Variants in VPS13B observed in about 807,000 individuals in gnomAD.
VPS13B encodes the protein intermembrane lipid transfer protein VPS13B.
Under a neutral mutation model 426.4 loss-of-function variants are expected in VPS13B, and 285 were observed. The ratio of observed to expected loss-of-function variants is 0.67; its 90% CI spans 0.61 to 0.74. VPS13B has a LOEUF of 0.74. Ranked by LOEUF, VPS13B falls within the 30% of genes least tolerant of loss-of-function variation. The pLI is 0.00. For missense variants in VPS13B, 4,537 were observed against 4,782.6 expected (o/e 0.95, Z 1.51); for synonymous variants, 1,676 against 1,676.4 (o/e 1.00, Z 0.01).
intron 21 of VPS13B, among the ~76,000 whole-genome samples, chr8:99,419,478 CT>C (rs779527371): frequency 3.3e-5 from 5 of 152,160 alleles, no homozygotes; most frequent in Non-Finnish European, 7.3e-5. Context: ...TTAAAAAATG[CT>C]GCCTCTCCAT....
At chr8:99,571,639 C>G (rs1316118945) in intron 31 of VPS13B, among the ~76,000 whole-genome samples, 1 of 151,976 alleles carries the variant, frequency 6.6e-6, no homozygotes, top group Non-Finnish European at 1.5e-5. Context: ...CCAACTTTTC[C>G]ATTTTAAGGT....
Position 99,444,839 on chromosome 8 carries a change from T to G in VPS13B, c.3445+2204T>G, listed in dbSNP as rs569820823. Among the ~76,000 whole-genome samples, 10 of 152,204 alleles carry G rather than the reference T, an allele frequency of 6.6e-5. No homozygotes were observed. In the South Asian group the frequency reaches 2.1e-3, roughly 32 times the overall value. Reference sequence around the variant, plus strand: ...CTACCATGCCTGTCTAATTTTTTAATTTTTGTAGAGGTGGGGTTTCACCAT... The same window carrying G: ...CTACCATGCCTGTCTAATTTTTTAAGTTTTGTAGAGGTGGGGTTTCACCAT... On this transcript the variant is annotated intron_variant, in intron 23 of 61. Coordinates refer to ENST00000357162, the MANE Select transcript of VPS13B (RefSeq NM_152564.5).
chr8:99,552,562 G>A (rs1824335812), intron 30 of VPS13B, among the ~76,000 whole-genome samples: 2 of 150,270 alleles, frequency 1.3e-5, no homozygotes, highest in South Asian at 2.1e-4. Flanking sequence ...TTGTGGGTTG[G>A]TTGGTTTTTA....
chr8:99,290,354 G>A (rs1298551831), intron 19 of VPS13B, among the ~76,000 whole-genome samples: 4 of 151,890 alleles, frequency 2.6e-5, no homozygotes, highest in South Asian at 2.1e-4. Flanking sequence ...TGTCCTTTGT[G>A]GGGACATGGA....
chr8:99,451,415 G>A (rs1818192685), intron 23 of VPS13B, among the ~76,000 whole-genome samples: 1 of 152,178 alleles, frequency 6.6e-6, no homozygotes, highest in Admixed American at 6.5e-5. Context: ...AGACAGATAT[G>A]GTGCTTGCTT....
At chr8:99,183,431 T>C (rs1588121317) in intron 16 of VPS13B, among the ~76,000 whole-genome samples, 2 of 152,210 alleles carry the variant, frequency 1.3e-5, no homozygotes, top group African/African-American at 4.8e-5. Context: ...ATTGGGGAGA[T>C]ATGCAGCCTA....
intron 2 of VPS13B, among the ~76,000 whole-genome samples, chr8:99,032,399 G>A (rs1015009501): frequency 1.3e-5 from 2 of 151,608 alleles, no homozygotes; most frequent in African/African-American, 4.8e-5. Flanking sequence ...ATTATTTTCT[G>A]TGTGCCTCAT....
At chr8:99,386,884 G>A (rs1814154968) in intron 20 of VPS13B, among the ~76,000 whole-genome samples, 1 of 152,142 alleles carries the variant, frequency 6.6e-6, no homozygotes. Context: ...CAGGAGGATT[G>A]TTTGTGCCTG....
chr8:99,565,186 A>G (rs1242491206), intron 31 of VPS13B, among the ~76,000 whole-genome samples: 1 of 152,202 alleles, frequency 6.6e-6, no homozygotes, highest in African/African-American at 2.4e-5. Context: ...TTGCAAAAGT[A>G]CACTTAAAAG....
chr8:99,545,822 A>G (rs1588482507), intron 30 of VPS13B, among the ~76,000 whole-genome samples: 2 of 152,074 alleles, frequency 1.3e-5, no homozygotes, highest in East Asian at 3.9e-4. Flanking sequence ...GTATGATTAG[A>G]TATGCTTTCT....
rs116046928 is a variant in VPS13B, at chr8:99,206,701, T to C, written c.2515+13644T>C. Among the ~76,000 whole-genome samples, 506 of 152,286 alleles carry C rather than the reference T, an allele frequency of 3.3e-3. 2 individuals carry two copies. The highest frequency in any genetic ancestry group is 0.011 in the African/African-American group (451 of 41,574). On this transcript the variant is annotated intron_variant, in intron 17 of 61. Coordinates refer to ENST00000357162, the MANE Select transcript of VPS13B (RefSeq NM_152564.5). ...TGGTCTAAAACCACATCACTGTAACTGAATAAAGTTATGGAGGTATTCTTC... is the reference window on the plus strand; with the variant it reads ...TGGTCTAAAACCACATCACTGTAACCGAATAAAGTTATGGAGGTATTCTTC...
chr8:99,562,606 C>T (rs1255093510), intron 31 of VPS13B, among the ~76,000 whole-genome samples: 1 of 152,028 alleles, frequency 6.6e-6, no homozygotes, highest in Non-Finnish European at 1.5e-5. Context: ...AATTGAGTTG[C>T]TTGACTTCTT....
intron 19 of VPS13B, among the ~76,000 whole-genome samples, chr8:99,381,305 T>C (rs573585150): frequency 3.3e-5 from 5 of 152,242 alleles, no homozygotes; most frequent in Admixed American, 2.6e-4. Context: ...CAGTCTGCCA[T>C]TGATGGGCAT....
Position 99,224,123 on chromosome 8 carries a change from T to G in VPS13B, c.2515+31066T>G, listed in dbSNP as rs1424191276. On this transcript the variant is annotated intron_variant, in intron 17 of 61. Transcript: ENST00000357162. ...GTCTGTGAGGTTGTGCGGGCTTGAA[T>G]GTGATTTTTATTTGATATATGAGCT... Among the ~76,000 whole-genome samples the G allele has an allele frequency of 2.0e-5, 3 of 152,188 alleles. No individual in the cohort carries two copies. In the East Asian group the frequency reaches 5.8e-4, roughly 29 times the overall value.
At chr8:99,347,373 AT>A in intron 19 of VPS13B, 1 of 168,706 alleles carries the variant, frequency 5.9e-6, no homozygotes, top group Non-Finnish European at 1.3e-5. Flanking sequence ...TTTACCTGTC[AT>A]TTATAATGGC....
Position 99,875,610 on chromosome 8 carries a change from T to G in VPS13B, c.11938T>G (p.Phe3980Val). The G allele has an allele frequency of 1.2e-6, 2 of 1,614,208 alleles. No individual in the cohort carries two copies. The highest frequency in any genetic ancestry group is 3.3e-4 in the Middle Eastern group (2 of 6,062). ...YLVDPHFAQV[F>V]LSKFTMVKNK... ...GGTTGATCCACATTTTGCTCAGGTC[T>G]TCCTTAGTAAATTTACCATGGTGAA... is the stretch of plus-strand genomic sequence containing the variant. The change falls in exon 62 of 62, where the codon TTC (phenylalanine) becomes GTC (valine). Residue 3980 changes from phenylalanine to valine, a missense_variant. Physicochemically the swap from Phe to Val is conservative, Grantham distance 50. Around this residue, in one of 2 missense-constraint regions of VPS13B, gnomAD observed 4,311 missense variants for 4,474.3 expected, o/e 0.96. Coordinates refer to ENST00000357162, the MANE Select transcript of VPS13B (RefSeq NM_152564.5).
intron 5 of VPS13B, among the ~76,000 whole-genome samples, chr8:99,109,230 C>T (rs1847221309): frequency 6.6e-6 from 1 of 151,974 alleles, no homozygotes; most frequent in South Asian, 2.1e-4. Context: ...GTACCAGAAA[C>T]TAGAATTCAT....
intron 58 of VPS13B, among the ~76,000 whole-genome samples, chr8:99,866,002 C>A (rs1588802767): frequency 6.6e-6 from 1 of 152,242 alleles, no homozygotes; most frequent in Non-Finnish European, 1.5e-5. Flanking sequence ...CAAGGCACAA[C>A]AGGCAATAGC....
intron 41 of VPS13B, 77 bp downstream of exon 41, chr8:99,777,033 T>G: frequency 6.7e-7 from 1 of 1,499,506 alleles, no homozygotes; most frequent in Admixed American, 1.7e-5. Flanking sequence ...AAAAGAGAAG[T>G]CAACAATCTT....
Sources: gnomAD v4.1 joint callset for allele counts (sites outside exome capture counted in the v4.1 genomes callset) on GRCh38, gnomAD v4.1.1 for gene constraint, gnomAD v4.1.1 regional missense constraint, MANE v1.5 for transcripts, NCBI Gene and HGNC (gene_info 2026-07-23, HGNC 2026-07-21) for gene names.